Variants in DZIP1L observed in about 807,000 individuals in gnomAD.
DZIP1L encodes DAZ interacting zinc finger protein 1 like, also known as cilium assembly protein DZIP1L.
Under a neutral mutation model 88.7 loss-of-function variants are expected in DZIP1L, and 90 were observed. The observed-to-expected ratio is 1.02, with a 90% confidence interval of 0.86 to 1.21. The LOEUF (loss-of-function observed/expected upper bound fraction) is 1.21. DZIP1L is among the 50% of genes most tolerant of loss of function. The pLI is 0.00. For missense variants in DZIP1L, 932 were observed against 955.8 expected (o/e 0.98, Z 0.33); for synonymous variants, 363 against 372.1 (o/e 0.98, Z 0.28).
rs879263172 is a variant in DZIP1L, at chr3:138,063,061, T to C, written c.2143-84A>G. ...AGCTAAGCACATTGCAGGATGGGAA[T>C]GCAGAATGGAAATGGGGACAAATGC... On this transcript the variant is annotated intron_variant, in intron 15 of 15. Coordinates refer to ENST00000327532, the MANE Select transcript of DZIP1L (RefSeq NM_173543.3). This position sits in a 1 kb window ranked among gnomAD's most constrained non-coding sequence, Gnocchi z 4.1. 14 of 1,490,392 alleles carry C rather than the reference T, an allele frequency of 9.4e-6. No individual in the cohort carries two copies. Among genetic ancestry groups the C allele is most frequent in the African/African-American group, 1.4e-5 (1 of 72,564 alleles). 92.3% of individuals were successfully genotyped at this position (1,490,392 alleles called of 1,614,324 possible). A position where few individuals can be genotyped will look rare whatever the true frequency, so the allele number is the denominator to read the frequency against.
Position 138,102,248 on chromosome 3 carries a change from G to A in DZIP1L, c.501+1223C>T, listed in dbSNP as rs1437935593. On this transcript the variant is annotated intron_variant, in intron 2 of 15. Coordinates refer to ENST00000327532, the MANE Select transcript of DZIP1L (RefSeq NM_173543.3). ...TCTCCTCTTCATACAGCTGCCTGAGGAAGTTGATCTCGTCAGTCAGCCCTT... is the reference window on the plus strand; with the variant it reads ...TCTCCTCTTCATACAGCTGCCTGAGAAAGTTGATCTCGTCAGTCAGCCCTT... 20 of 1,434,240 alleles carry A rather than the reference G, an allele frequency of 1.4e-5. No individual in the cohort carries two copies. The East Asian group carries it at 3.0e-4, about 21-fold the overall frequency. The allele number at this position is 1,434,240 out of a possible 1,614,324, so 88.8% of individuals were successfully genotyped here.
At chr3:138,086,125 G>A (rs1232050747) in intron 7 of DZIP1L, among the ~76,000 whole-genome samples, 1 of 151,600 alleles carries the variant, frequency 6.6e-6, no homozygotes, top group East Asian at 1.9e-4. Flanking sequence ...GGGGAGTGGG[G>A]AGGGATAGCA....
chr3:138,080,744 G>T, intron 9 of DZIP1L, 124 bp from the exon 10 acceptor site: 1 of 893,952 alleles, frequency 1.1e-6, no homozygotes, highest in Non-Finnish European at 1.7e-6. Context: ...AGTGCATCTT[G>T]ACTGGAGAGA....
intron 1 of DZIP1L, among the ~76,000 whole-genome samples, chr3:138,111,692 T>C (rs751736680): frequency 1.3e-5 from 2 of 152,152 alleles, no homozygotes; most frequent in African/African-American, 2.4e-5. Flanking sequence ...CCTAGAGCTC[T>C]GGCATTATAA....
chr3:138,063,172 G>T lies in DZIP1L; in HGVS notation c.2143-195C>A, dbSNP rs756584453. 3.9e-5 allele frequency among the ~76,000 whole-genome samples: 6 copies of T among 152,104 alleles called. No homozygotes were observed. The highest frequency in any genetic ancestry group is 3.3e-4 in the Admixed American group (5 of 15,274). On this transcript the variant is annotated intron_variant, in intron 15 of 15. Transcript: ENST00000327532. The surrounding 1 kb of genome is among the most constrained non-coding windows in gnomAD (Gnocchi z 4.1). ...TTTGAGAACCTGCTTTAGTGACCTG[G>T]GATCAGGGTGATTTCAAATACCCCT...
intron 1 of DZIP1L, among the ~76,000 whole-genome samples, chr3:138,114,648 A>G (rs1302704784): frequency 6.6e-6 from 1 of 152,128 alleles, no homozygotes; most frequent in Non-Finnish European, 1.5e-5. Flanking sequence ...GTCCTGTTAG[A>G]AATCGAATTC....
intron 7 of DZIP1L, among the ~76,000 whole-genome samples, chr3:138,084,519 C>G (rs1943832764): frequency 9.2e-5 from 14 of 152,136 alleles, no homozygotes; most frequent in Admixed American, 9.2e-4. Flanking sequence ...TAAATTAAAA[C>G]CATTTGAAAA....
intron 8 of DZIP1L, among the ~76,000 whole-genome samples, chr3:138,082,572 C>T (rs1426103615): frequency 6.6e-6 from 1 of 152,246 alleles, no homozygotes; most frequent in Non-Finnish European, 1.5e-5. Context: ...TACTCCCAGA[C>T]TCAGCTGCTC....
chr3:138,091,288 G>A (rs1214566480), intron 5 of DZIP1L, among the ~76,000 whole-genome samples: 1 of 151,878 alleles, frequency 6.6e-6, no homozygotes, highest in Non-Finnish European at 1.5e-5. Flanking sequence ...AGTGACCTTG[G>A]GCAAGTTATA....
intron 1 of DZIP1L, among the ~76,000 whole-genome samples, chr3:138,115,118 A>G (rs1296310172): frequency 1.3e-5 from 2 of 152,030 alleles, no homozygotes; most frequent in Non-Finnish European, 2.9e-5. Flanking sequence ...GCCGGGCTGC[A>G]GGGCCGCGCC....
intron 4 of DZIP1L, among the ~76,000 whole-genome samples, chr3:138,094,317 T>C (rs1448495536): frequency 6.6e-6 from 1 of 152,248 alleles, no homozygotes; most frequent in East Asian, 1.9e-4. Context: ...AAACCTTCAA[T>C]GTGCAAACAA....
chr3:138,068,482 G>C, intron 12 of DZIP1L, 115 bp from the exon 13 acceptor site: 1 of 754,884 alleles, frequency 1.3e-6, no homozygotes, highest in Non-Finnish European at 2.0e-6. Flanking sequence ...CCCTCTCCGT[G>C]CTGTAATAAC....
intron 1 of DZIP1L, among the ~76,000 whole-genome samples, chr3:138,114,971 T>C (rs1350995658): frequency 1.3e-5 from 2 of 152,088 alleles, no homozygotes; most frequent in African/African-American, 4.8e-5. Flanking sequence ...CCCTCCCAAA[T>C]CACTTTTCTT....
intron 1 of DZIP1L, among the ~76,000 whole-genome samples, chr3:138,111,609 T>C (rs989604386): frequency 6.6e-6 from 1 of 152,218 alleles, no homozygotes; most frequent in Non-Finnish European, 1.5e-5. Context: ...TCTGAGTTCA[T>C]GAGGTTTTAA....
intron 8 of DZIP1L, 105 bp from the exon 9 acceptor site, chr3:138,081,869 A>C: frequency 8.4e-7 from 1 of 1,196,462 alleles, no homozygotes; most frequent in South Asian, 1.6e-5. Context: ...ATGGCTACAG[A>C]TTCCATGACT....
At chr3:138,069,873 G>A (rs937580489) in intron 12 of DZIP1L, among the ~76,000 whole-genome samples, 3 of 152,130 alleles carry the variant, frequency 2.0e-5, no homozygotes, top group African/African-American at 7.2e-5. Context: ...GAATAAAGGT[G>A]CAGAGCTGGA....
intron 8 of DZIP1L, among the ~76,000 whole-genome samples, chr3:138,083,566 C>T (rs764866286): frequency 1.3e-5 from 2 of 152,224 alleles, no homozygotes; most frequent in African/African-American, 2.4e-5. Context: ...TTTCATCACA[C>T]TGCTTTATCT....
At chr3:138,101,614 C>A (rs762241016) in intron 2 of DZIP1L, 2 of 795,736 alleles carry the variant, frequency 2.5e-6, no homozygotes. Context: ...AAAGCTGGAG[C>A]CCAGGCCGTA....
intron 2 of DZIP1L, chr3:138,101,725 T>C: frequency 1.2e-6 from 1 of 868,166 alleles, no homozygotes. Flanking sequence ...CATCTCAGAC[T>C]CCAGCCGGCT....
Sources: gnomAD v4.1 joint callset for allele counts (sites outside exome capture counted in the v4.1 genomes callset) on GRCh38, gnomAD v4.1.1 for gene constraint, Gnocchi (gnomAD v3.1) non-coding constraint, MANE v1.5 for transcripts, NCBI Gene and HGNC (gene_info 2026-07-23, HGNC 2026-07-21) for gene names.